CSTPP1: variants seen among roughly 807,000 people sequenced by gnomAD.
The protein encoded by CSTPP1 is centriolar satellite-associated tubulin polyglutamylase complex regulator 1.
chr11:47,039,588 C>G, the CSTPP1 span, among the ~76,000 whole-genome samples: 1 of 127,590 alleles, frequency 7.8e-6, no homozygotes, highest in Non-Finnish European at 1.9e-5. Context: ...TCTGTAATCC[C>G]AGCACTTCGG....
the CSTPP1 span, among the ~76,000 whole-genome samples, chr11:47,018,287 CTTTTTTTTT>C: frequency 6.1e-5 from 5 of 82,190 alleles, no homozygotes; most frequent in African/African-American, 2.4e-4. Flanking sequence ...GTATGTTTAG[CTTTTTTTTT>C]TTTTTTTTTT....
At chr11:46,948,323 A>G in the CSTPP1 span, among the ~76,000 whole-genome samples, 1 of 152,218 alleles carries the variant, frequency 6.6e-6, no homozygotes, top group Non-Finnish European at 1.5e-5. Flanking sequence ...CTGGTATATC[A>G]GCATGTTAAC....
At chr11:47,046,670 T>C in the CSTPP1 span, among the ~76,000 whole-genome samples, 1 of 124,480 alleles carries the variant, frequency 8.0e-6, no homozygotes, top group Non-Finnish European at 1.7e-5. Flanking sequence ...CTTTTTTTTT[T>C]TTTTTTTTTT....
chr11:47,081,769 T>C, the CSTPP1 span, among the ~76,000 whole-genome samples: 1 of 152,204 alleles, frequency 6.6e-6, no homozygotes, highest in South Asian at 2.1e-4. Flanking sequence ...TCACATCTTA[T>C]ATGCAAACAA....
At chr11:46,987,494 G>A in the CSTPP1 span, 1 of 526,698 alleles carries the variant, frequency 1.9e-6, no homozygotes, top group South Asian at 2.3e-5. Flanking sequence ...CAGCTAGTTT[G>A]TCCAGTGATG....
chr11:46,992,469 A>G, the CSTPP1 span, among the ~76,000 whole-genome samples: 2 of 140,940 alleles, frequency 1.4e-5, no homozygotes, highest in Non-Finnish European at 3.0e-5. Context: ...ATGCCCACCT[A>G]TGAGTGAGAA....
At chr11:47,024,411 A>C in the CSTPP1 span, among the ~76,000 whole-genome samples, 157 of 152,034 alleles carry the variant, frequency 1.0e-3, no homozygotes, top group African/African-American at 3.7e-3. Context: ...ACATAAAGTA[A>C]ATCTTTAAAG....
the CSTPP1 span, among the ~76,000 whole-genome samples, chr11:47,067,601 C>T: frequency 6.6e-6 from 1 of 152,192 alleles, no homozygotes; most frequent in Non-Finnish European, 1.5e-5. Context: ...CAGAGAGCTG[C>T]CCATGCCCCT....
chr11:47,142,241 C>CA, the CSTPP1 span, among the ~76,000 whole-genome samples: 7 of 127,746 alleles, frequency 5.5e-5, no homozygotes, highest in Non-Finnish European at 6.7e-5. Flanking sequence ...GACTCCATCT[C>CA]AAAAAAAAAA....
At chr11:47,142,219 G>C in the CSTPP1 span, among the ~76,000 whole-genome samples, 5 of 149,222 alleles carry the variant, frequency 3.4e-5, no homozygotes, top group Admixed American at 3.4e-4. Flanking sequence ...CTCCAGGCTG[G>C]TGACAGAGTG....
At chr11:47,153,581 C>T in the CSTPP1 span, among the ~76,000 whole-genome samples, 3 of 152,202 alleles carry the variant, frequency 2.0e-5, no homozygotes, top group African/African-American at 7.2e-5. Flanking sequence ...CTCTGAGCCT[C>T]AGACTCTTCA....
chr11:47,039,372 G>A, the CSTPP1 span, among the ~76,000 whole-genome samples: 5 of 127,698 alleles, frequency 3.9e-5, 1 homozygote, highest in East Asian at 2.1e-4. Flanking sequence ...GCGTGGCGGC[G>A]CGCGCCCAGG....
chr11:47,031,246 CTT>C, the CSTPP1 span, among the ~76,000 whole-genome samples: 116 of 152,266 alleles, frequency 7.6e-4, no homozygotes, highest in Non-Finnish European at 9.6e-4. Flanking sequence ...TTCTGTATGA[CTT>C]TTTCTGTGCA....
chr11:46,979,416 C>T, the CSTPP1 span, among the ~76,000 whole-genome samples: 5 of 152,070 alleles, frequency 3.3e-5, no homozygotes, highest in Admixed American at 6.5e-5. Flanking sequence ...ATGTTTATGG[C>T]GTTGACTTGA....
chr11:47,122,091 A>AAAAAATATAT, the CSTPP1 span, among the ~76,000 whole-genome samples: 31 of 31,826 alleles, frequency 9.7e-4, no homozygotes, highest in Admixed American at 1.9e-3. Context: ...AAAAAAAAAA[A>AAAAAATATAT]ATATATATAT....
chr11:46,942,140 G>A, the CSTPP1 span, among the ~76,000 whole-genome samples: 1 of 152,192 alleles, frequency 6.6e-6, no homozygotes, highest in Admixed American at 6.5e-5. Context: ...GAATAGCTTA[G>A]TGATGTTCAT....
chr11:47,087,780 C>A, the CSTPP1 span, among the ~76,000 whole-genome samples: 2,188 of 152,164 alleles, frequency 0.014, 52 homozygotes, highest in African/African-American at 0.05. Flanking sequence ...CCCCAAAAAA[C>A]CTGGGGGCCT....
At chr11:46,969,773 GT>G in the CSTPP1 span, among the ~76,000 whole-genome samples, 3 of 151,074 alleles carry the variant, frequency 2.0e-5, no homozygotes, top group African/African-American at 7.3e-5. Flanking sequence ...CAAACATAAT[GT>G]TTTTTTTTGA....
At chr11:47,044,110 C>T in the CSTPP1 span, among the ~76,000 whole-genome samples, 1 of 152,020 alleles carries the variant, frequency 6.6e-6, no homozygotes, top group African/African-American at 2.4e-5. Flanking sequence ...CCTCAGCCTC[C>T]CAAGTAGCTG....
Sources: allele counts gnomAD v4.1 joint callset (sites outside exome capture counted in the v4.1 genomes callset), GRCh38; gene constraint gnomAD v4.1.1; transcripts MANE v1.5; gene names NCBI Gene and HGNC (gene_info 2026-07-23, HGNC 2026-07-21).